The following SREK1 variants were observed in gnomAD, a reference collection of about 807,000 sequenced individuals.
The protein encoded by SREK1 is splicing regulatory glutamine/lysine-rich protein 1.
A neutral mutation model predicts 66.5 loss-of-function variants in SREK1; 13 were observed. The observed-to-expected ratio is 0.20, with a 90% confidence interval of 0.13 to 0.31. The LOEUF (loss-of-function observed/expected upper bound fraction) is 0.31. Among genes scored for constraint, SREK1 ranks in the 10% least tolerant of loss-of-function variants. The probability of loss-of-function intolerance (pLI) is 1.00; values close to 1 mark genes in which losing one functional copy is unlikely to be tolerated. For synonymous variants in SREK1, 265 were observed against 263.5 expected, an observed-to-expected ratio of 1.01 and a Z score of -0.05; for missense variants, 607 against 769.6, an observed-to-expected ratio of 0.79 and a Z score of 2.50.
At chr5:66,156,408 C>A in intron 2 of SREK1, 1 of 1,114,744 alleles carries the variant, frequency 9.0e-7, no homozygotes, top group Non-Finnish European at 1.1e-6. Context: ...AGAGCTCAAC[C>A]TTAAGATAAA....
rs899115259 is a variant in SREK1 at position 66,178,846 on chromosome 5, C to G, written c.1853C>G (p.Ser618Cys). The change falls in exon 12 of 12, where the codon TCT (serine) becomes TGT (cysteine). Residue 618 changes from serine (S) to cysteine (C), a missense_variant. Coordinates refer to ENST00000334121, the MANE Select transcript of SREK1 (RefSeq NM_001077199.3). The part of the protein sequence containing the change: ...GNCQLNEENL[S>C]TKTEAV ...TGTCAGCTGAATGAAGAAAACCTCT[C>G]TACCAAAACAGAAGCAGTATAGGAC... 3 of 1,612,192 alleles carry G rather than the reference C, an allele frequency of 1.9e-6. No individual in the cohort carries two copies. The highest frequency in any genetic ancestry group is 2.2e-5 in the East Asian group (1 of 44,816).
In SREK1 at chr5:66,153,523, T is replaced by A. The variant is rs1277807339; in HGVS notation, c.222T>A (p.Ser74Arg). The change falls in exon 2 of 12, where the codon AGT (serine) becomes AGA (arginine). Residue 74 changes from serine (S) to arginine (R), a missense_variant. Coordinates refer to ENST00000334121, the MANE Select transcript of SREK1 (RefSeq NM_001077199.3). Reference sequence around the variant, plus strand: ...ATGTTAAGTTTCGTGATCCATCAAGTGTTGGCGTGGCCCAGCATCTAACTA... The same window carrying A: ...ATGTTAAGTTTCGTGATCCATCAAGAGTTGGCGTGGCCCAGCATCTAACTA... ...VCYVKFRDPSSVGVAQHLTNT... is the reference protein window; with the variant it reads ...VCYVKFRDPSRVGVAQHLTNT... 1 of 1,614,000 alleles carries A rather than the reference T, an allele frequency of 6.2e-7. No individual in the cohort carries two copies. The highest frequency in any genetic ancestry group is 8.5e-7 in the Non-Finnish European group (1 of 1,179,990).
intron 1 of SREK1, among the ~76,000 whole-genome samples, chr5:66,149,315 A>T (rs1456948539): frequency 3.3e-5 from 5 of 151,932 alleles, no homozygotes; most frequent in African/African-American, 4.8e-5. Flanking sequence ...CCGCCATTGC[A>T]CTCCAGCTCG....
At chr5:66,175,089 A>G (rs369224305) in intron 10 of SREK1, 48 bp downstream of exon 10, 1 of 1,417,948 alleles carries the variant, frequency 7.1e-7, no homozygotes, top group Non-Finnish European at 9.5e-7. Context: ...AGCAATAAAT[A>G]TTTTTTGAAA....
intron 6 of SREK1, 168 bp downstream of exon 6, chr5:66,164,090 A>G (rs1298782892): frequency 4.0e-6 from 3 of 755,872 alleles, no homozygotes; most frequent in Middle Eastern, 4.1e-4. Flanking sequence ...AACTTAGCCC[A>G]TATTTTATCT....
intron 5 of SREK1, chr5:66,163,020 C>T (rs959620749): frequency 2.0e-5 from 3 of 153,064 alleles, no homozygotes; most frequent in Admixed American, 6.5e-5. Context: ...ATGTTTTAAA[C>T]CAGAAATTTT....
At chr5:66,148,293 C>A (rs1043527548) in intron 1 of SREK1, among the ~76,000 whole-genome samples, 11 of 151,556 alleles carry the variant, frequency 7.3e-5, no homozygotes, top group African/African-American at 2.4e-4. Flanking sequence ...TTGGTAGGTC[C>A]TCTGTCCTCT....
intron 1 of SREK1, among the ~76,000 whole-genome samples, chr5:66,148,414 G>A (rs190292922): frequency 6.6e-6 from 1 of 152,236 alleles, no homozygotes; most frequent in East Asian, 1.9e-4. Flanking sequence ...AAAATAACCA[G>A]TTAGGGCCAA....
rs1430545637 is a variant in SREK1, at chr5:66,170,161, C to T, written c.1112C>T (p.Ser371Leu). 9 of 1,610,848 alleles carry T rather than the reference C, an allele frequency of 5.6e-6. No individual in the cohort carries two copies. Among genetic ancestry groups the T allele is most frequent in the African/African-American group, 1.3e-5 (1 of 74,690 alleles). Residue 371 changes from serine (S) to leucine (L), a missense_variant, in exon 8 of 12, where the codon TCG becomes TTG. By Grantham distance (145) the Ser-to-Leu change is moderately radical (BLOSUM62 -2). Coordinates refer to ENST00000334121, the MANE Select transcript of SREK1 (RefSeq NM_001077199.3). ...GAGAGACGGAAGTCAAGGAGTCGTT[C>T]GCATTCACGGTGAGTTTTAGAGAAA... Reference protein sequence around the residue: ...SRERRKSRSRSHSRDKRKDTR... With the variant: ...SRERRKSRSRLHSRDKRKDTR...
At chr5:66,163,583 C>G in intron 5 of SREK1, 1 of 384,746 alleles carries the variant, frequency 2.6e-6, no homozygotes, top group Non-Finnish European at 4.5e-6. Context: ...TCTTTTCTCC[C>G]TGCTTTTGGT....
rs1746339928 is a variant in SREK1 at position 66,179,509 on chromosome 5, G to A, written c.*641G>A. The A allele has an allele frequency of 6.6e-6, 1 of 152,488 alleles. No individual in the cohort carries two copies. The highest frequency in any genetic ancestry group is 6.6e-5 in the Admixed American group (1 of 15,248). The allele number at this position is 152,488 out of a possible 1,614,324, so 9.4% of individuals were successfully genotyped here. On this transcript the variant is annotated 3_prime_UTR_variant, in exon 12 of 12. Coordinates refer to ENST00000334121, the MANE Select transcript of SREK1 (RefSeq NM_001077199.3). ...GTGGATTAAAAAACTGACAATGCAT[G>A]CTACTGTTCTCTTTCAAAAGGAAGA...
chr5:66,151,834 CTTTTTTTTTTTTTTTTTT>C (rs60920757), intron 1 of SREK1, among the ~76,000 whole-genome samples: 63 of 84,788 alleles, frequency 7.4e-4, no homozygotes, highest in Middle Eastern at 8.2e-3. Flanking sequence ...GAGGTACATC[CTTTTTTTTTTTTTTTTTT>C]TTTTTTTTTT....
intron 9 of SREK1, chr5:66,174,708 A>G (rs1185336763): frequency 3.1e-6 from 1 of 322,228 alleles, no homozygotes; most frequent in Non-Finnish European, 5.6e-6. Context: ...GAGGTCTTCT[A>G]CTCTTCCTAA....
At chr5:66,152,046 C>T (rs961682628) in intron 1 of SREK1, among the ~76,000 whole-genome samples, 2 of 151,858 alleles carry the variant, frequency 1.3e-5, no homozygotes, top group African/African-American at 2.4e-5. Flanking sequence ...GGGGTTTCAC[C>T]GTGTTAGCCA....
intron 2 of SREK1, chr5:66,157,845 A>G (rs984701012): frequency 2.7e-6 from 1 of 370,624 alleles, no homozygotes; most frequent in African/African-American, 2.2e-5. Context: ...TTAAATTCCA[A>G]CTTGAGTTCC....
At chr5:66,163,673 C>G in intron 5 of SREK1, 119 bp from the exon 6 acceptor site, 2 of 870,822 alleles carry the variant, frequency 2.3e-6, no homozygotes, top group East Asian at 4.7e-5. Context: ...TTCTGTATAT[C>G]ATTCTTACGT....
At chr5:66,145,237 C>A in intron 1 of SREK1, 1 of 894,546 alleles carries the variant, frequency 1.1e-6, no homozygotes, top group Non-Finnish European at 1.3e-6. Flanking sequence ...CAGATCTTGG[C>A]TGGCATTCAC....
intron 1 of SREK1, among the ~76,000 whole-genome samples, chr5:66,148,452 G>A (rs1002419147): frequency 6.6e-6 from 1 of 152,078 alleles, no homozygotes; most frequent in African/African-American, 2.4e-5. Flanking sequence ...CAAAAAGTTG[G>A]TTCTTTGGTT....
At chr5:66,164,219 A>T (rs1272485219) in intron 6 of SREK1, 7 of 313,872 alleles carry the variant, frequency 2.2e-5, no homozygotes, top group Admixed American at 1.4e-4. Context: ...CAAGGCTAAA[A>T]AGAGTACATA....
Sources: gnomAD v4.1 joint callset for allele counts (sites outside exome capture counted in the v4.1 genomes callset) on GRCh38, gnomAD v4.1.1 for gene constraint, MANE v1.5 for transcripts, NCBI Gene and HGNC (gene_info 2026-07-23, HGNC 2026-07-21) for gene names.